The following USP34 variants were observed in gnomAD, a reference collection of about 807,000 sequenced individuals.
USP34 encodes ubiquitin carboxyl-terminal hydrolase 34.
A neutral mutation model predicts 460.3 loss-of-function variants in USP34; 70 were observed. That is an observed-to-expected ratio of 0.15 (90% confidence interval 0.13 to 0.19). The LOEUF (loss-of-function observed/expected upper bound fraction) is 0.19. Among genes scored for constraint, USP34 ranks in the 10% least tolerant of loss-of-function variants. The pLI, the probability that USP34 is intolerant of heterozygous loss-of-function variation, is 1.00. For missense variants in USP34, 3,985 were observed against 4,236.2 expected, an observed-to-expected ratio of 0.94 and a Z score of 1.65; for synonymous variants, 1,647 against 1,405.3, an observed-to-expected ratio of 1.17 and a Z score of -3.85.
intron 1 of USP34, among the ~76,000 whole-genome samples, chr2:61,432,127 C>G (rs192688111): frequency 1.3e-5 from 2 of 151,510 alleles, no homozygotes; most frequent in Non-Finnish European, 1.5e-5. Context: ...TTGCTTGGGC[C>G]CAGGTGTTTG....
intron 2 of USP34, among the ~76,000 whole-genome samples, chr2:61,409,658 G>A (rs904016889): frequency 2.0e-5 from 3 of 151,958 alleles, no homozygotes; most frequent in Non-Finnish European, 4.4e-5. Flanking sequence ...AGGTTGCAGT[G>A]AGCCAAGACT....
At chr2:61,249,778 G>GCAATAATAGGAA (rs1688525315) in intron 48 of USP34, 5 of 155,996 alleles carry the variant, frequency 3.2e-5, no homozygotes, top group African/African-American at 9.6e-5. Flanking sequence ...AATGGGGGCA[G>GCAATAATAGGAA]TGTTCCAGCC....
chr2:61,305,504 A>G (rs930546690), intron 27 of USP34, among the ~76,000 whole-genome samples: 1 of 152,142 alleles, frequency 6.6e-6, no homozygotes, highest in Non-Finnish European at 1.5e-5. Flanking sequence ...AAAAAAACAA[A>G]AGGAAGAAAG....
At position 61,294,986 on chromosome 2, in the gene USP34, T is replaced by C. The variant is rs1267303009; in HGVS notation, c.4424A>G (p.Asp1475Gly). 4 of 1,613,168 alleles carry C rather than the reference T, an allele frequency of 2.5e-6. No individual in the cohort carries two copies. The highest frequency in any genetic ancestry group is 3.3e-5 in the Admixed American group (2 of 59,932). The change falls in exon 32 of 80, where the codon GAT (aspartate) becomes GGT (glycine). Residue 1475 changes from aspartate (D) to glycine (G), a missense_variant. Physicochemically the swap from Asp to Gly is moderately conservative, Grantham distance 94 (BLOSUM62 -1). Transcript: ENST00000398571. ...LYPDSDDSSEDQVENSKNSWS... is the reference protein window; with the variant it reads ...LYPDSDDSSEGQVENSKNSWS... ...GGAATTTTTACTATTTTCCACTTGATCTTCACTTGAATCATCTGAATCTGG... is the reference window on the plus strand; with the variant it reads ...GGAATTTTTACTATTTTCCACTTGACCTTCACTTGAATCATCTGAATCTGG...
intron 2 of USP34, chr2:61,416,759 A>T (rs1694205860): frequency 2.6e-6 from 1 of 386,424 alleles, no homozygotes; most frequent in Non-Finnish European, 4.6e-6. Flanking sequence ...CATTAAATTA[A>T]TAAAATGATG....
intron 75 of USP34, among the ~76,000 whole-genome samples, chr2:61,201,125 T>C (rs1686962616): frequency 6.6e-6 from 1 of 152,086 alleles, no homozygotes; most frequent in Admixed American, 6.6e-5. Context: ...TTAGTCACAT[T>C]TCAAGTTCTC....
At chr2:61,244,796 T>C (rs1389851705) in intron 51 of USP34, among the ~76,000 whole-genome samples, 2 of 152,148 alleles carry the variant, frequency 1.3e-5, no homozygotes, top group Non-Finnish European at 2.9e-5. Context: ...ATTTCTTTTT[T>C]TCTTATTGTG....
intron 8 of USP34, among the ~76,000 whole-genome samples, chr2:61,371,380 G>GT (rs1019163451): frequency 4.0e-5 from 6 of 148,810 alleles, no homozygotes; most frequent in East Asian, 3.9e-4. Flanking sequence ...ACTCTTTCTA[G>GT]TTTTTTTAAA....
chr2:61,311,585 G>T lies in USP34; in HGVS notation c.3772C>A (p.Gln1258Lys). The change falls in exon 27 of 80, where the codon CAG becomes AAG. Residue 1258 changes from glutamine to lysine, a missense_variant. Around this residue, in one of 14 missense-constraint regions of USP34, gnomAD observed 1,114 missense variants for 1,122.5 expected, o/e 0.99. Coordinates refer to ENST00000398571, the MANE Select transcript of USP34 (RefSeq NM_014709.4). Reference sequence around the variant, plus strand: ...TTGCTTTGACCAAACTCCTGAAGCTGAGCTTGTTGATTTATTTGTTCTTTC... The same window carrying T: ...TTGCTTTGACCAAACTCCTGAAGCTTAGCTTGTTGATTTATTTGTTCTTTC... ...LQKEQINQQAQLQEFGQSNRK... is the reference protein window; with the variant it reads ...LQKEQINQQAKLQEFGQSNRK... 1 of 1,613,040 alleles carries T rather than the reference G, an allele frequency of 6.2e-7. No individual in the cohort carries two copies. The highest frequency in any genetic ancestry group is 8.5e-7 in the Non-Finnish European group (1 of 1,179,670).
chr2:61,229,736 C>T (rs2103828431), intron 58 of USP34, 103 bp from the exon 59 acceptor site: 2 of 973,386 alleles, frequency 2.1e-6, no homozygotes, highest in Non-Finnish European at 3.1e-6. Flanking sequence ...TTATAGTTTG[C>T]ACAAGATTAT....
chr2:61,287,993 C>A (rs1264281004), intron 34 of USP34, among the ~76,000 whole-genome samples: 3 of 152,206 alleles, frequency 2.0e-5, no homozygotes, highest in Non-Finnish European at 4.4e-5. Flanking sequence ...TTAGGTTCTG[C>A]CAGTCTAGGA....
chr2:61,202,596 GGTTTT>G (rs1221837748), intron 75 of USP34, among the ~76,000 whole-genome samples: 8 of 152,126 alleles, frequency 5.3e-5, no homozygotes, highest in African/African-American at 1.7e-4. Context: ...ATTCACTGAT[GGTTTT>G]GTTTTCTGTT....
intron 48 of USP34, among the ~76,000 whole-genome samples, chr2:61,255,399 T>TC (rs1028462562): frequency 1.8e-4 from 27 of 152,318 alleles, no homozygotes; most frequent in African/African-American, 6.3e-4. Context: ...GCAGGACCTT[T>TC]CTAGCTGGAT....
chr2:61,378,935 A>AAAAAAAAAAAAAAAAAT (rs1692885394), intron 7 of USP34, among the ~76,000 whole-genome samples: 2 of 146,114 alleles, frequency 1.4e-5, no homozygotes, highest in East Asian at 1.9e-4. Context: ...AAAAAAAAAA[A>AAAAAAAAAAAAAAAAAT]AACAACACTA....
intron 50 of USP34, 44 bp from the exon 51 acceptor site, chr2:61,245,332 G>A: frequency 9.0e-7 from 1 of 1,114,276 alleles, no homozygotes; most frequent in East Asian, 2.6e-5. Flanking sequence ...CATATAATGA[G>A]TATCTTCATA....
intron 2 of USP34, among the ~76,000 whole-genome samples, chr2:61,417,678 T>C (rs1694234169): frequency 6.6e-6 from 1 of 150,962 alleles, no homozygotes; most frequent in Middle Eastern, 3.2e-3. Flanking sequence ...AATGACTGTA[T>C]CATTTAAATA....
chr2:61,367,531 A>T (rs1172082723), intron 10 of USP34, among the ~76,000 whole-genome samples: 1 of 152,222 alleles, frequency 6.6e-6, no homozygotes, highest in Non-Finnish European at 1.5e-5. Flanking sequence ...ATACATTGAA[A>T]ATCTACCACA....
chr2:61,385,208 T>C (rs1244214101), intron 5 of USP34, among the ~76,000 whole-genome samples: 1 of 152,124 alleles, frequency 6.6e-6, no homozygotes, highest in Non-Finnish European at 1.5e-5. Context: ...CATAAAAAGT[T>C]GGAAAATAAT....
At chr2:61,334,088 A>G (rs1282168711) in intron 18 of USP34, 117 bp from the exon 19 acceptor site, 3 of 617,562 alleles carry the variant, frequency 4.9e-6, no homozygotes, top group Non-Finnish European at 7.5e-6. Context: ...ACATATTATT[A>G]CACAAACATT....
Sources: gnomAD v4.1 joint callset for allele counts (sites outside exome capture counted in the v4.1 genomes callset) on GRCh38, gnomAD v4.1.1 for gene constraint, gnomAD v4.1.1 regional missense constraint, MANE v1.5 for transcripts, NCBI Gene and HGNC (gene_info 2026-07-23, HGNC 2026-07-21) for gene names.